Variants in RAB19 observed in about 807,000 individuals in gnomAD.
RAB19 encodes ras-related protein Rab-19.
A neutral mutation model predicts 17.3 loss-of-function variants in RAB19; 21 were observed. The ratio of observed to expected loss-of-function variants is 1.21; its 90% confidence interval spans 0.86 to 1.74. RAB19 has a LOEUF of 1.74. Among genes scored for constraint, RAB19 ranks in the 40% most tolerant of loss-of-function variants. The pLI is 0.00. For missense variants in RAB19, 277 were observed against 286.8 expected (o/e 0.97, Z 0.25); for synonymous variants, 126 against 110.4 (o/e 1.14, Z -0.88).
intron 3 of RAB19, among the ~76,000 whole-genome samples, chr7:140,419,471 T>C (rs796732540): frequency 6.6e-5 from 10 of 152,346 alleles, no homozygotes; most frequent in African/African-American, 2.2e-4. Flanking sequence ...CATCGTTGCA[T>C]GTGGCTGTAA....
At chr7:140,411,097 G>C in intron 2 of RAB19, 1 of 1,367,508 alleles carries the variant, frequency 7.3e-7, no homozygotes, top group Non-Finnish European at 9.8e-7. Context: ...AAGACCCCAG[G>C]ATAAAATAGG....
Position 140,418,930 on chromosome 7 carries a change from CCTT to C in RAB19, c.385+6876_385+6878del, listed in dbSNP as rs376082693. Among the ~76,000 whole-genome samples, 1,217 of 151,582 alleles carry C rather than the reference CCTT, an allele frequency of 8.0e-3. 20 individuals are homozygous for C. The highest frequency in any genetic ancestry group is 0.027 in the African/African-American group (1,110 of 41,400). On this transcript the variant is annotated intron_variant, in intron 3 of 3. Transcript: ENST00000537763. ...AGCTTTCACTTTATTACTCCACACT[CCTT>C]CTGCCCCAAAGGCAAGTGCTTTTAT...
chr7:140,420,439 A>AG (rs1799537739), intron 3 of RAB19, among the ~76,000 whole-genome samples: 1 of 137,614 alleles, frequency 7.3e-6, no homozygotes, highest in South Asian at 2.3e-4. Flanking sequence ...AAAAAAAAAA[A>AG]GAAGAAGAAG....
At chr7:140,416,069 G>A (rs1799452130) in intron 3 of RAB19, among the ~76,000 whole-genome samples, 1 of 150,458 alleles carries the variant, frequency 6.6e-6, no homozygotes, top group Non-Finnish European at 1.5e-5. Flanking sequence ...ACAGCCGGGT[G>A]CAGTGGCTCA....
chr7:140,417,738 A>T (rs1799485835), intron 3 of RAB19, among the ~76,000 whole-genome samples: 1 of 152,198 alleles, frequency 6.6e-6, no homozygotes, highest in Non-Finnish European at 1.5e-5. Context: ...AGGTGTCAGC[A>T]GGGCCGTGCC....
At position 140,427,303 on chromosome 7, in the gene RAB19, A is replaced by G. The variant is rs2130181405; in HGVS notation, c.*1153A>G. 6.6e-6 allele frequency among the ~76,000 whole-genome samples: 1 copy of G among 150,780 alleles called. No individual in the cohort carries two copies. Among genetic ancestry groups the G allele is most frequent in the South Asian group, 2.1e-4 (1 of 4,754 alleles). ...GTAGCTGGGACTACTGGCACTCACT[A>G]CCACGCCCAGCTCATTTTTTTTGTA... On this transcript the variant is annotated 3_prime_UTR_variant, in exon 4 of 4. Coordinates refer to ENST00000537763, the MANE Select transcript of RAB19 (RefSeq NM_001008749.3).
chr7:140,413,321 CT>C (rs1799400517), intron 3 of RAB19, among the ~76,000 whole-genome samples: 1 of 151,560 alleles, frequency 6.6e-6, no homozygotes, highest in Non-Finnish European at 1.5e-5. Context: ...TGTGATTCCT[CT>C]AGGTTGGTTC....
chr7:140,409,121 C>T (rs987807826), intron 2 of RAB19, among the ~76,000 whole-genome samples: 11 of 151,688 alleles, frequency 7.3e-5, no homozygotes, highest in Non-Finnish European at 1.2e-4. Flanking sequence ...CCCAGCACTT[C>T]GGGAGGCCGA....
In RAB19 at chr7:140,425,873, T is replaced by C; in HGVS notation, c.386-9T>C. On this transcript the variant is annotated splice_polypyrimidine_tract_variant and intron_variant, in intron 3 of 3. Coordinates refer to ENST00000537763, the MANE Select transcript of RAB19 (RefSeq NM_001008749.3). The stretch of plus-strand genomic sequence containing the variant: ...CTCAATGGAATATCGGCTTATCTTT[T>C]CCTTCCAGGAAATAAATGTGACCTC... The C allele has an allele frequency of 6.3e-7, 1 of 1,599,538 alleles. No homozygotes were observed. Among genetic ancestry groups the C allele is most frequent in the Non-Finnish European group, 8.5e-7 (1 of 1,171,644 alleles).
chr7:140,416,517 CAT>C (rs1255779453), intron 3 of RAB19, among the ~76,000 whole-genome samples: 48 of 152,260 alleles, frequency 3.2e-4, no homozygotes, highest in African/African-American at 1.2e-3. Context: ...GGGTCCATAG[CAT>C]ATGTTATTTT....
rs1480748574 is a variant in RAB19 at position 140,425,403 on chromosome 7, CT to C, written c.386-478del. 3.3e-5 allele frequency among the ~76,000 whole-genome samples: 5 copies of C among 152,174 alleles called. No individual in the cohort carries two copies. The East Asian group carries it at 9.7e-4, about 30-fold the overall frequency. ...ATCTCACACAGCATCCAACACTCTG[CT>C]GTTTGAGGGGGAGAAAAAGAGAGTA... is the stretch of plus-strand genomic sequence containing the variant. On this transcript the variant is annotated intron_variant, in intron 3 of 3. Coordinates refer to ENST00000537763, the MANE Select transcript of RAB19 (RefSeq NM_001008749.3).
intron 1 of RAB19, 186 bp from the exon 2 acceptor site, chr7:140,407,438 C>T (rs956053400): frequency 2.5e-5 from 14 of 555,076 alleles, no homozygotes; most frequent in Middle Eastern, 4.9e-4. Flanking sequence ...CAAGAGCACC[C>T]CTAAAGTAAG....
chr7:140,420,336 G>C (rs6973069), intron 3 of RAB19, among the ~76,000 whole-genome samples: 3 of 149,874 alleles, frequency 2.0e-5, no homozygotes, highest in Non-Finnish European at 4.4e-5. Flanking sequence ...CAGGAGAATC[G>C]CTTGAACCCA....
intron 3 of RAB19, among the ~76,000 whole-genome samples, chr7:140,424,689 A>G (rs201029192): frequency 2.4e-5 from 2 of 82,428 alleles, no homozygotes; most frequent in African/African-American, 1.3e-4. Flanking sequence ...ATATACACAT[A>G]TCTATATATA....
chr7:140,408,328 G>C (rs956392760), intron 2 of RAB19, among the ~76,000 whole-genome samples: 2 of 151,992 alleles, frequency 1.3e-5, no homozygotes, highest in Non-Finnish European at 2.9e-5. Flanking sequence ...GGGAAAATCA[G>C]GCTTTAAATG....
intron 3 of RAB19, among the ~76,000 whole-genome samples, chr7:140,424,408 C>T (rs188538363): frequency 1.2e-3 from 181 of 152,020 alleles, no homozygotes; most frequent in Non-Finnish European, 2.0e-3. Flanking sequence ...CCACCCACCT[C>T]GGCTTCCCAA....
chr7:140,406,910 A>G (rs1799252481), intron 1 of RAB19, among the ~76,000 whole-genome samples: 1 of 148,330 alleles, frequency 6.7e-6, no homozygotes, highest in Admixed American at 6.7e-5. Context: ...TTTGAGGTGG[A>G]GTTTCGCTCT....
intron 2 of RAB19, chr7:140,411,040 C>G (rs760586228): frequency 1.5e-6 from 2 of 1,367,728 alleles, no homozygotes; most frequent in East Asian, 9.1e-5. Context: ...AAGATGAGCC[C>G]CCAAATCTGG....
At chr7:140,421,384 A>G (rs1211170090) in intron 3 of RAB19, among the ~76,000 whole-genome samples, 3 of 151,408 alleles carry the variant, frequency 2.0e-5, no homozygotes, top group Non-Finnish European at 2.9e-5. Flanking sequence ...TTTTTGAGAC[A>G]GAGTCTTGAT....
Sources: gnomAD v4.1 joint callset for allele counts (sites outside exome capture counted in the v4.1 genomes callset) on GRCh38, gnomAD v4.1.1 for gene constraint, MANE v1.5 for transcripts, NCBI Gene and HGNC (gene_info 2026-07-23, HGNC 2026-07-21) for gene names.